THSD7B: variants seen among roughly 807,000 people sequenced by gnomAD.
THSD7B encodes thrombospondin type 1 domain containing 7B.
THSD7B carries 138 observed loss-of-function variants against 213.6 expected under a neutral mutation model. The observed-to-expected ratio is 0.65, with a 90% confidence interval of 0.56 to 0.74. THSD7B has a LOEUF of 0.74. Among genes scored for constraint, THSD7B ranks in the 30% least tolerant of loss-of-function variants. The pLI, the probability that THSD7B is intolerant of heterozygous loss-of-function variation, is 0.00. For synonymous variants in THSD7B, 742 were observed against 687.0 expected, an observed-to-expected ratio of 1.08 and a Z score of -1.25; for missense variants, 1,931 against 1,991.5, an observed-to-expected ratio of 0.97 and a Z score of 0.58.
At chr2:136,830,019 T>C (rs547140277) in intron 1 of THSD7B, among the ~76,000 whole-genome samples, 120 of 152,206 alleles carry the variant, frequency 7.9e-4, no homozygotes, top group Non-Finnish European at 1.2e-3. Context: ...TGTGTGTGGC[T>C]TAGTTTATGT....
At chr2:137,313,389 G>A (rs1343027943) in intron 12 of THSD7B, among the ~76,000 whole-genome samples, 1 of 151,832 alleles carries the variant, frequency 6.6e-6, no homozygotes, top group Non-Finnish European at 1.5e-5. Flanking sequence ...TTTATTTTGA[G>A]CCTATGTGTG....
chr2:137,108,856 A>G (rs1454386952), intron 4 of THSD7B, among the ~76,000 whole-genome samples: 2 of 152,182 alleles, frequency 1.3e-5, no homozygotes, highest in Non-Finnish European at 2.9e-5. Context: ...GGTAGGAGGT[A>G]AATGAAGAAA....
intron 17 of THSD7B, among the ~76,000 whole-genome samples, chr2:137,587,373 T>G (rs1324962968): frequency 6.6e-6 from 1 of 152,250 alleles, no homozygotes; most frequent in African/African-American, 2.4e-5. Context: ...GTTCCGTTGC[T>G]GGCGAGGGCC....
intron 15 of THSD7B, among the ~76,000 whole-genome samples, chr2:137,485,479 G>C (rs1249884373): frequency 1.3e-5 from 2 of 152,068 alleles, no homozygotes; most frequent in African/African-American, 4.8e-5. Context: ...TTGTTCTTTT[G>C]ACTTAGGATT....
chr2:136,965,010 CAAAAAA>C (rs70975732), intron 2 of THSD7B, among the ~76,000 whole-genome samples: 2 of 118,084 alleles, frequency 1.7e-5, no homozygotes. Flanking sequence ...GACCCTGTCT[CAAAAAA>C]AAAAAAAAAA....
intron 1 of THSD7B, among the ~76,000 whole-genome samples, chr2:136,824,395 T>C (rs1012266812): frequency 6.6e-6 from 1 of 152,036 alleles, no homozygotes; most frequent in Non-Finnish European, 1.5e-5. Context: ...TATCTGAGAT[T>C]AAGGTCTTTT....
At chr2:137,674,985 C>G (rs1683664067) in intron 27 of THSD7B, among the ~76,000 whole-genome samples, 2 of 152,120 alleles carry the variant, frequency 1.3e-5, no homozygotes, top group African/African-American at 4.8e-5. Context: ...GGAGTTTCTC[C>G]CTACAACCAT....
Position 137,388,928 on chromosome 2 carries a change from A to C in THSD7B, c.2501-16685A>C, listed in dbSNP as rs141995452. ...TTATCCATTATTCATTGATGTACTT[A>C]TGTTGATTCCATATCGTTGCAATTA... On this transcript the variant is annotated intron_variant, in intron 12 of 27. Coordinates refer to ENST00000409968, the MANE Select transcript of THSD7B (RefSeq NM_001316349.2). Among the ~76,000 whole-genome samples, 664 of 152,018 alleles carry C rather than the reference A, an allele frequency of 4.4e-3. 6 individuals are homozygous for C. The highest frequency in any genetic ancestry group is 0.015 in the African/African-American group (626 of 41,476).
chr2:137,663,331 A>G (rs1346132711), intron 25 of THSD7B, 52 bp from the exon 26 acceptor site: 184 of 1,375,020 alleles, frequency 1.3e-4, no homozygotes, highest in Non-Finnish European at 1.8e-4. Context: ...ATTTTTATTC[A>G]TTCACCTGTT....
chr2:137,237,112 T>G, intron 9 of THSD7B, among the ~76,000 whole-genome samples: 1 of 41,506 alleles, frequency 2.4e-5, no homozygotes, highest in African/African-American at 7.7e-5. Context: ...AAACTCCGTC[T>G]CAAAAAAAAA....
chr2:136,771,534 A>G (rs1681504119), intron 1 of THSD7B, among the ~76,000 whole-genome samples: 1 of 152,114 alleles, frequency 6.6e-6, no homozygotes, highest in South Asian at 2.1e-4. Flanking sequence ...ACTCACACTT[A>G]TTTAAAGTGG....
intron 7 of THSD7B, among the ~76,000 whole-genome samples, chr2:137,216,949 T>A (rs2015616): frequency 6.6e-6 from 1 of 151,870 alleles, no homozygotes; most frequent in Non-Finnish European, 1.5e-5. Flanking sequence ...TAATGCGGAT[T>A]TAACTCTTTT....
At chr2:137,406,775 A>G (rs1403139135) in intron 13 of THSD7B, among the ~76,000 whole-genome samples, 1 of 152,228 alleles carries the variant, frequency 6.6e-6, no homozygotes, top group Non-Finnish European at 1.5e-5. Context: ...ATGCATAACC[A>G]TAAACAGAAC....
At chr2:136,992,689 C>A (rs1294249288) in intron 2 of THSD7B, among the ~76,000 whole-genome samples, 1 of 152,108 alleles carries the variant, frequency 6.6e-6, no homozygotes, top group Non-Finnish European at 1.5e-5. Context: ...TTGAAAACTG[C>A]CCTGTCCCTG....
intron 17 of THSD7B, among the ~76,000 whole-genome samples, chr2:137,603,670 C>T (rs963970476): frequency 1.1e-3 from 161 of 152,308 alleles, no homozygotes; most frequent in African/African-American, 3.6e-3. Context: ...CTCTGTTTTG[C>T]TTATTACGCT....
rs557943238 is a variant in THSD7B, at chr2:137,481,835, T to C, written c.3138+30812T>C. Among the ~76,000 whole-genome samples the C allele has an allele frequency of 2.3e-4, 35 of 152,294 alleles. 1 individual carries two copies. The highest frequency in any genetic ancestry group is 3.4e-3 in the Middle Eastern group (1 of 294). On this transcript the variant is annotated intron_variant, in intron 15 of 27. Transcript: ENST00000409968. ...CAGGGAGTCTCAGGAACGATGCTTA[T>C]AATTTTAAATGGCATTATCCCCTTG...
rs531551843 is a variant in THSD7B at position 137,468,307 on chromosome 2, G to A, written c.3138+17284G>A. ...TATAAAAAGTTTAAAAAGCCCCAGA[G>A]GGATGATACATTCAGAAGAGGTGAG... is the stretch of plus-strand genomic sequence containing the variant. On this transcript the variant is annotated intron_variant, in intron 15 of 27. Coordinates refer to ENST00000409968, the MANE Select transcript of THSD7B (RefSeq NM_001316349.2). Among the ~76,000 whole-genome samples, 176 of 152,172 alleles carry A rather than the reference G, an allele frequency of 1.2e-3. 1 individual carries two copies. The highest frequency in any genetic ancestry group is 3.9e-3 in the African/African-American group (161 of 41,524).
chr2:136,943,180 A>G (rs1262347862), intron 2 of THSD7B, among the ~76,000 whole-genome samples: 1 of 152,136 alleles, frequency 6.6e-6, no homozygotes, highest in Non-Finnish European at 1.5e-5. Context: ...GATGGATTAC[A>G]TTTATTGATT....
chr2:137,061,213 A>G (rs1436701597), intron 3 of THSD7B, among the ~76,000 whole-genome samples: 1 of 151,732 alleles, frequency 6.6e-6, no homozygotes, highest in Non-Finnish European at 1.5e-5. Context: ...ACTTTGTTAT[A>G]GTCACTTATT....
Sources: gnomAD v4.1 joint callset for allele counts (sites outside exome capture counted in the v4.1 genomes callset) on GRCh38, gnomAD v4.1.1 for gene constraint, MANE v1.5 for transcripts, NCBI Gene and HGNC (gene_info 2026-07-23, HGNC 2026-07-21) for gene names.